The following CCDC7 variants were observed in gnomAD, a reference collection of about 807,000 sequenced individuals.
CCDC7 encodes coiled-coil domain-containing protein 7.
CCDC7 carries 183 observed loss-of-function variants against 196.9 expected under a neutral mutation model. The observed-to-expected ratio is 0.93, with a 90% CI of 0.82 to 1.05. CCDC7 has a LOEUF of 1.05. Ranked by LOEUF, CCDC7 falls within the 50% of genes least tolerant of loss-of-function variation. CCDC7 has a pLI of 0.00. For synonymous variants in CCDC7, 525 were observed against 484.6 expected (o/e 1.08, Z -1.10); for missense variants, 1,540 against 1,482.2 (o/e 1.04, Z -0.64).
intron 24 of CCDC7, among the ~76,000 whole-genome samples, chr10:32,701,587 G>A (rs1427000261): frequency 6.6e-6 from 1 of 152,196 alleles, no homozygotes; most frequent in Non-Finnish European, 1.5e-5. Context: ...GTTTGAGAAG[G>A]AATGGTACCA....
chr10:32,716,163 G>GCA (rs2081541889), intron 25 of CCDC7, among the ~76,000 whole-genome samples: 2 of 152,148 alleles, frequency 1.3e-5, no homozygotes, highest in Non-Finnish European at 2.9e-5. Context: ...GAAAGGTCAG[G>GCA]TTACCCACAA....
exon 40 of CCDC7, chr10:32,851,893 A>G (rs771302014): frequency 6.8e-6 from 11 of 1,610,762 alleles, no homozygotes; most frequent in South Asian, 1.1e-5. Context: ...AAGCTTTTCT[A>G]AAGACATCCA....
chr10:32,544,986 T>C (rs565016511), intron 13 of CCDC7, among the ~76,000 whole-genome samples: 8 of 152,334 alleles, frequency 5.3e-5, no homozygotes, highest in African/African-American at 1.9e-4. Flanking sequence ...AAAACAATTC[T>C]ACATACAAAG....
rs1355886930 is a variant in CCDC7 at position 32,686,068 on chromosome 10, C to T, written c.2221C>T (p.Gln741Ter). ...AAAGAAACAAGAAACTTCTACAGAG[C>T]AACCACTCACCAGTAAGTATAAAAA... Residue 741 changes from glutamine (Q) to a stop codon, truncating the protein, a stop_gained, in exon 22 of 42, where the codon CAA (glutamine) becomes TAA (stop). Transcript: ENST00000639629. LOFTEE classifies it high-confidence loss of function. 1 of 1,436,074 alleles carries T rather than the reference C, an allele frequency of 7.0e-7. No individual in the cohort carries two copies. Among genetic ancestry groups the T allele is most frequent in the Non-Finnish European group, 9.6e-7 (1 of 1,041,356 alleles). 89.0% of individuals were successfully genotyped at this position (1,436,074 alleles called of 1,614,324 possible). A position where few individuals can be genotyped will look rare whatever the true frequency, so the allele number is the denominator to read the frequency against.
At chr10:32,867,827 A>G (rs987281684) in intron 41 of CCDC7, among the ~76,000 whole-genome samples, 1 of 151,918 alleles carries the variant, frequency 6.6e-6, no homozygotes, top group Admixed American at 6.6e-5. Flanking sequence ...CGCATTAAAT[A>G]CATTCACACT....
At chr10:32,528,136 T>C (rs2048955643) in intron 11 of CCDC7, among the ~76,000 whole-genome samples, 1 of 152,212 alleles carries the variant, frequency 6.6e-6, no homozygotes, top group South Asian at 2.1e-4. Context: ...TTTCTATGTC[T>C]GGCTTGTTTC....
upstream of CCDC7, among the ~76,000 whole-genome samples, chr10:32,444,306 A>G (rs981309340): frequency 1.3e-5 from 2 of 152,212 alleles, no homozygotes; most frequent in Non-Finnish European, 2.9e-5. Context: ...GATTCATGTC[A>G]CAGACTCAAA....
intron 41 of CCDC7, among the ~76,000 whole-genome samples, chr10:32,867,041 A>C (rs2094223807): frequency 6.6e-6 from 1 of 151,736 alleles, no homozygotes; most frequent in Admixed American, 6.6e-5. Flanking sequence ...GGTGTTAAAA[A>C]TATGTAGGTC....
Position 32,759,505 on chromosome 10 carries a change from A to G in CCDC7, c.2906-19472A>G, listed in dbSNP as rs572816252. On this transcript the variant is annotated intron_variant, in intron 28 of 41. Coordinates refer to ENST00000639629, the Ensembl canonical transcript of CCDC7. Reference sequence around the variant, plus strand: ...ACAAGAAATGGGGAAAGGATTCCCTATTTAATAAATGGTGCTGGGAAAACT... The same window carrying G: ...ACAAGAAATGGGGAAAGGATTCCCTGTTTAATAAATGGTGCTGGGAAAACT... 1.4e-3 allele frequency among the ~76,000 whole-genome samples: 220 copies of G among 152,256 alleles called. 1 individual carries two copies. The highest frequency in any genetic ancestry group is 5.0e-3 in the African/African-American group (207 of 41,560).
intron 18 of CCDC7, among the ~76,000 whole-genome samples, chr10:32,610,834 T>A (rs1321225477): frequency 1.3e-5 from 2 of 152,228 alleles, no homozygotes; most frequent in Non-Finnish European, 2.9e-5. Flanking sequence ...GATGGGCATT[T>A]TGGTTGGTTC....
At chr10:32,498,715 A>G (rs56265142) in intron 9 of CCDC7, among the ~76,000 whole-genome samples, 17,314 of 151,926 alleles carry the variant, frequency 0.11, 1,188 homozygotes, top group South Asian at 0.27. Context: ...TCGGCCCCCA[A>G]TCTCTTCTGG....
intron 9 of CCDC7, among the ~76,000 whole-genome samples, chr10:32,494,978 C>T (rs1419019224): frequency 6.6e-6 from 1 of 152,222 alleles, no homozygotes; most frequent in Admixed American, 6.5e-5. Flanking sequence ...ACACTGTCTT[C>T]CACAATGGTT....
chr10:32,487,937 C>A (rs2041466703), intron 8 of CCDC7, among the ~76,000 whole-genome samples: 3 of 152,222 alleles, frequency 2.0e-5, no homozygotes, highest in Admixed American at 1.3e-4. Flanking sequence ...GGGTCAGGGA[C>A]CCACTTGAGG....
chr10:32,611,131 G>A (rs2062081206), intron 18 of CCDC7, among the ~76,000 whole-genome samples: 1 of 152,110 alleles, frequency 6.6e-6, no homozygotes, highest in Non-Finnish European at 1.5e-5. Context: ...GGTGTGAGAT[G>A]GTATCTCATT....
chr10:32,540,644 G>A (rs142629139), intron 11 of CCDC7, among the ~76,000 whole-genome samples: 275 of 152,222 alleles, frequency 1.8e-3, no homozygotes, highest in Non-Finnish European at 2.8e-3. Context: ...TATGAAATTC[G>A]TGGCTGGAAA....
intron 24 of CCDC7, among the ~76,000 whole-genome samples, chr10:32,700,601 G>A (rs1428685634): frequency 6.6e-6 from 1 of 152,146 alleles, no homozygotes; most frequent in East Asian, 1.9e-4. Flanking sequence ...GAAAGTCGTT[G>A]GTAGCTAGAT....
chr10:32,511,124 A>C (rs1268607215), intron 9 of CCDC7, among the ~76,000 whole-genome samples: 1 of 151,458 alleles, frequency 6.6e-6, no homozygotes, highest in Non-Finnish European at 1.5e-5. Context: ...CACAATGTTA[A>C]AATCCTCAGT....
At chr10:32,683,852 G>A (rs1005045136) in intron 21 of CCDC7, among the ~76,000 whole-genome samples, 1 of 152,194 alleles carries the variant, frequency 6.6e-6, no homozygotes, top group Non-Finnish European at 1.5e-5. Context: ...GCCCTGCTTA[G>A]TAAGGAGTAG....
intron 20 of CCDC7, among the ~76,000 whole-genome samples, chr10:32,658,108 C>T (rs538729901): frequency 6.6e-6 from 1 of 152,332 alleles, no homozygotes; most frequent in African/African-American, 2.4e-5. Flanking sequence ...AAGTTCCAAA[C>T]TTTCCCACAT....
Sources: allele counts gnomAD v4.1 joint callset (sites outside exome capture counted in the v4.1 genomes callset), GRCh38; gene constraint gnomAD v4.1.1; transcripts MANE v1.5; gene names NCBI Gene and HGNC (gene_info 2026-07-23, HGNC 2026-07-21).